The following STX18 variants were observed in gnomAD, a reference collection of about 807,000 sequenced individuals.
The protein encoded by STX18 is syntaxin-18.
Under a neutral mutation model 50.1 loss-of-function variants are expected in STX18, and 40 were observed. The observed-to-expected ratio is 0.80, with a 90% CI of 0.62 to 1.04. STX18 has a LOEUF of 1.04. Among genes scored for constraint, STX18 ranks in the 50% least tolerant of loss-of-function variants. The probability of loss-of-function intolerance (pLI) is 0.00; values close to 1 mark genes in which losing one functional copy is unlikely to be tolerated. For missense variants in STX18, 410 were observed against 415.8 expected, an observed-to-expected ratio of 0.99 and a Z score of 0.12; for synonymous variants, 158 against 151.8, an observed-to-expected ratio of 1.04 and a Z score of -0.30.
intron 1 of STX18, among the ~76,000 whole-genome samples, chr4:4,528,899 C>G (rs747575592): frequency 2.0e-5 from 3 of 152,172 alleles, no homozygotes; most frequent in Non-Finnish European, 4.4e-5. Context: ...ATTTAATGAA[C>G]AAATAAAATC....
intron 5 of STX18, among the ~76,000 whole-genome samples, chr4:4,447,592 C>CAAA (rs34300930): frequency 0.011 from 496 of 45,924 alleles, 95 homozygotes; most frequent in East Asian, 0.016. Flanking sequence ...CTCCGTCTCA[C>CAAA]AAAAAAAAAA....
intron 5 of STX18, among the ~76,000 whole-genome samples, chr4:4,452,466 A>G (rs1318488465): frequency 6.6e-6 from 1 of 152,230 alleles, no homozygotes; most frequent in Non-Finnish European, 1.5e-5. Flanking sequence ...TCAATGCTTC[A>G]AAGGATAGGG....
rs1333528074 is a variant in STX18 at position 4,434,807 on chromosome 4, T to C, written c.665A>G (p.Lys222Arg). The C allele has an allele frequency of 1.9e-6, 3 of 1,607,562 alleles. No individual in the cohort carries two copies. Among genetic ancestry groups the C allele is most frequent in the East Asian group, 2.2e-5 (1 of 44,726 alleles). ...TTCTGGGGATAACTCATCTTCGCCT[T>C]TGCCATCTCCCCACGTTCCCAATTC... ...QPELGTWGDG[K>R]GEDELSPEEI... Residue 222 changes from lysine (K) to arginine (R), a missense_variant, in exon 7 of 11, where the codon AAA becomes AGA. Coordinates refer to ENST00000306200, the MANE Select transcript of STX18 (RefSeq NM_016930.4).
At chr4:4,429,013 C>T (rs959890246) in intron 7 of STX18, among the ~76,000 whole-genome samples, 7 of 152,194 alleles carry the variant, frequency 4.6e-5, no homozygotes, top group Admixed American at 4.6e-4. Flanking sequence ...CGGTCTCCTA[C>T]CAAAACACAA....
At chr4:4,535,587 G>A (rs770212806) in intron 1 of STX18, among the ~76,000 whole-genome samples, 10 of 152,132 alleles carry the variant, frequency 6.6e-5, no homozygotes, top group Admixed American at 1.3e-4. Flanking sequence ...GTAGGCTGGC[G>A]AATGAACCTC....
At chr4:4,491,117 T>TA (rs146689302) in intron 1 of STX18, among the ~76,000 whole-genome samples, 29,358 of 145,560 alleles carry the variant, frequency 0.2, 2,994 homozygotes, top group East Asian at 0.33. Context: ...TCTTGTCTCT[T>TA]AAAAAAAAAA....
At chr4:4,518,630 T>C (rs1730384595) in intron 1 of STX18, among the ~76,000 whole-genome samples, 1 of 152,212 alleles carries the variant, frequency 6.6e-6, no homozygotes. Context: ...AAAAAAAAGA[T>C]ATACAAGCTA....
intron 5 of STX18, among the ~76,000 whole-genome samples, chr4:4,440,507 T>G (rs933886867): frequency 2.0e-5 from 3 of 152,220 alleles, no homozygotes; most frequent in Non-Finnish European, 4.4e-5. Flanking sequence ...GTGGGGTATA[T>G]TCTACCCATC....
At chr4:4,444,736 T>C (rs2108799449) in intron 5 of STX18, among the ~76,000 whole-genome samples, 1 of 152,340 alleles carries the variant, frequency 6.6e-6, no homozygotes, top group East Asian at 1.9e-4. Context: ...AGAAAGGAAA[T>C]TTCCTTAACC....
At chr4:4,467,839 C>T (rs527305653) in intron 2 of STX18, among the ~76,000 whole-genome samples, 16 of 152,052 alleles carry the variant, frequency 1.1e-4, no homozygotes, top group African/African-American at 1.7e-4. Context: ...AACAGAGCCC[C>T]GGAGTTCTTA....
chr4:4,495,522 G>GGGACTACA (rs1441744648), intron 1 of STX18, among the ~76,000 whole-genome samples: 4 of 151,362 alleles, frequency 2.6e-5, no homozygotes, highest in Non-Finnish European at 5.9e-5. Flanking sequence ...CCAAGTAACT[G>GGGACTACA]GGACTACAGG....
intron 8 of STX18, chr4:4,423,891 G>A (rs542610119): frequency 2.2e-5 from 9 of 411,296 alleles, no homozygotes; most frequent in South Asian, 8.7e-5. Flanking sequence ...GTCACTGCTC[G>A]GGGAATGGGG....
chr4:4,484,964 C>G (rs1444879902), intron 1 of STX18, among the ~76,000 whole-genome samples: 1 of 152,178 alleles, frequency 6.6e-6, no homozygotes, highest in Admixed American at 6.5e-5. Context: ...AGTTCCAACC[C>G]AAGGATCCGA....
chr4:4,427,074 G>C (rs1725280462), intron 7 of STX18, among the ~76,000 whole-genome samples: 1 of 152,180 alleles, frequency 6.6e-6, no homozygotes, highest in Non-Finnish European at 1.5e-5. Flanking sequence ...TCTCACACTT[G>C]TTCAGGGGGC....
chr4:4,495,637 G>A (rs1729136115), intron 1 of STX18, among the ~76,000 whole-genome samples: 1 of 147,996 alleles, frequency 6.8e-6, no homozygotes, highest in African/African-American at 2.5e-5. Context: ...CTGGCCTCTA[G>A]AGATCCTCCT....
chr4:4,489,160 G>A (rs1728825276), intron 1 of STX18, among the ~76,000 whole-genome samples: 1 of 152,072 alleles, frequency 6.6e-6, no homozygotes, highest in Admixed American at 6.5e-5. Flanking sequence ...TGCCTCCAAA[G>A]TCATCTTTCA....
chr4:4,531,025 T>C (rs907125408), intron 1 of STX18, among the ~76,000 whole-genome samples: 1 of 152,198 alleles, frequency 6.6e-6, no homozygotes, highest in African/African-American at 2.4e-5. Flanking sequence ...TTTATTTTAA[T>C]GTATGTATGA....
intron 6 of STX18, among the ~76,000 whole-genome samples, chr4:4,436,181 G>A (rs1725765287): frequency 6.6e-6 from 1 of 152,194 alleles, no homozygotes; most frequent in Non-Finnish European, 1.5e-5. Flanking sequence ...GGCCATGCCT[G>A]AAAGTTATGG....
intron 1 of STX18, among the ~76,000 whole-genome samples, chr4:4,475,135 C>G (rs1268492832): frequency 6.6e-6 from 1 of 152,142 alleles, no homozygotes; most frequent in Non-Finnish European, 1.5e-5. Flanking sequence ...CAGGAGCAAG[C>G]AAGCTCCACA....
Sources: allele counts gnomAD v4.1 joint callset (sites outside exome capture counted in the v4.1 genomes callset), GRCh38; gene constraint gnomAD v4.1.1; transcripts MANE v1.5; gene names NCBI Gene and HGNC (gene_info 2026-07-23, HGNC 2026-07-21).